The following DMD variants were observed in gnomAD, a reference collection of about 807,000 sequenced individuals.
DMD encodes mutant dystrophin.
In DMD, 63 loss-of-function variants were observed where a neutral mutation model predicts 330.1. The ratio of observed to expected loss-of-function variants is 0.19; its 90% CI spans 0.16 to 0.24. The LOEUF (loss-of-function observed/expected upper bound fraction) is 0.24, where lower values mean the gene tolerates loss of function less well. Ranked by LOEUF, DMD falls within the 10% of genes least tolerant of loss-of-function variation. The pLI is 1.00. For synonymous variants in DMD, 1,223 were observed against 959.8 expected (o/e 1.27, Z -5.07); for missense variants, 3,344 against 2,684.1 (o/e 1.25, Z -5.43).
At chrX:32,274,257 G>C (rs989160638) in intron 43 of DMD, among the ~76,000 whole-genome samples, 1 of 111,765 alleles carries the variant, frequency 8.9e-6, no homozygotes, top group Non-Finnish European at 1.9e-5. Context: ...ATCATCTATG[G>C]TGAGGATGAA....
chrX:32,228,284 C>G (rs767576211), intron 43 of DMD, among the ~76,000 whole-genome samples: 1 of 111,370 alleles, frequency 9.0e-6, no homozygotes, highest in Admixed American at 9.6e-5. Context: ...ATCTCTTTGA[C>G]ACAATATAAT....
rs189893624 is a variant in DMD at position 32,395,086 on chromosome X, C to A, written c.4234-4905G>T. ...ATGAAGGTAGAAACATCAACATGCC[C>A]AAGGTAACATAACTAGGAAGTAACA... On this transcript the variant is annotated intron_variant, in intron 30 of 78. Coordinates refer to ENST00000357033, the MANE Select transcript of DMD (RefSeq NM_004006.3). Among the ~76,000 whole-genome samples, 111 of 110,546 alleles carry A rather than the reference C, an allele frequency of 1.0e-3. 1 individual carries two copies. Among genetic ancestry groups the A allele is most frequent in the Admixed American group, 7.4e-3 (77 of 10,360 alleles).
At chrX:32,292,302 C>CTTTTTATTTTTT (rs2097474818) in intron 42 of DMD, among the ~76,000 whole-genome samples, 1 of 62,926 alleles carries the variant, frequency 1.6e-5, no homozygotes, top group African/African-American at 7.0e-5. Context: ...AGGGAATATT[C>CTTTTTATTTTTT]TTTTTTTTTT....
intron 57 of DMD, among the ~76,000 whole-genome samples, chrX:31,491,828 A>G (rs2069333555): frequency 8.9e-6 from 1 of 112,418 alleles, no homozygotes; most frequent in Non-Finnish European, 1.9e-5. Flanking sequence ...CAAGATATGT[A>G]ATATTTTGCT....
At chrX:33,069,695 C>T (rs73452039) in intron 1 of DMD, among the ~76,000 whole-genome samples, 3,019 of 111,389 alleles carry the variant, frequency 0.027, 90 homozygotes, top group African/African-American at 0.093. Context: ...CAAGGTAGCT[C>T]ACAGAATAAT....
At chrX:32,071,323 C>G (rs1390091299) in intron 44 of DMD, among the ~76,000 whole-genome samples, 1 of 109,838 alleles carries the variant, frequency 9.1e-6, no homozygotes, top group Non-Finnish European at 1.9e-5. Flanking sequence ...CTCACCAGCA[C>G]CTGTTGTTTC....
chrX:33,080,440 T>C (rs778002282), intron 1 of DMD, among the ~76,000 whole-genome samples: 1 of 112,025 alleles, frequency 8.9e-6, no homozygotes, highest in Non-Finnish European at 1.9e-5. Flanking sequence ...TATGCCTTAT[T>C]ATCTTTCACC....
intron 13 of DMD, among the ~76,000 whole-genome samples, chrX:32,581,434 T>C (rs2053644440): frequency 8.9e-6 from 1 of 111,824 alleles, no homozygotes; most frequent in African/African-American, 3.3e-5. Flanking sequence ...TCTTAGTTCA[T>C]GTCACATTTT....
chrX:31,417,264 A>C (rs145427992), intron 60 of DMD, among the ~76,000 whole-genome samples: 2,656 of 111,902 alleles, frequency 0.024, 60 homozygotes, highest in African/African-American at 0.081. Flanking sequence ...CACCAAGCCT[A>C]TAATTTCTTT....
At chrX:32,377,041 T>C (rs1224754734) in intron 34 of DMD, among the ~76,000 whole-genome samples, 1 of 111,851 alleles carries the variant, frequency 8.9e-6, no homozygotes, top group African/African-American at 3.2e-5. Context: ...TAGTAAAATC[T>C]GTATTGTTTT....
chrX:32,626,286 T>C, intron 11 of DMD, among the ~76,000 whole-genome samples: 1 of 110,276 alleles, frequency 9.1e-6, no homozygotes, highest in African/African-American at 3.3e-5. Context: ...GCCTGGCCAA[T>C]AGAAACCCCA....
intron 45 of DMD, among the ~76,000 whole-genome samples, chrX:31,960,275 C>T (rs750535120): frequency 6.3e-5 from 7 of 110,699 alleles, no homozygotes; most frequent in Admixed American, 1.9e-4. Flanking sequence ...TGGTGGGAGC[C>T]AAGGTACATG....
chrX:33,064,286 G>A (rs1214941602), intron 1 of DMD, among the ~76,000 whole-genome samples: 1 of 110,643 alleles, frequency 9.0e-6, no homozygotes, highest in Non-Finnish European at 1.9e-5. Flanking sequence ...ACCTCTACTA[G>A]TAAGAAAAAG....
At chrX:31,908,987 C>T (rs2094513358) in intron 47 of DMD, among the ~76,000 whole-genome samples, 1 of 112,086 alleles carries the variant, frequency 8.9e-6, no homozygotes, top group African/African-American at 3.2e-5. Flanking sequence ...GCTACAACAC[C>T]TCATACATTT....
chrX:31,341,667 T>C (rs780220369), intron 61 of DMD, among the ~76,000 whole-genome samples: 2 of 111,236 alleles, frequency 1.8e-5, no homozygotes, highest in Non-Finnish European at 3.8e-5. Context: ...GGTAAGGCAG[T>C]GTGATGTGTG....
In DMD at chrX:31,507,909, G is replaced by C. The variant is rs60685780; in HGVS notation, c.8218-456C>G. Among the ~76,000 whole-genome samples the C allele has an allele frequency of 0.056, 6,258 of 111,440 alleles. 313 individuals carry two copies. Among genetic ancestry groups the C allele is most frequent in the African/African-American group, 0.16 (4,899 of 30,517 alleles). ...AGTTAACTCTGACCATAAAAGCGTGGAGAGACTAATAAACAAGATTGCACT... is the reference window on the plus strand; with the variant it reads ...AGTTAACTCTGACCATAAAAGCGTGCAGAGACTAATAAACAAGATTGCACT... On this transcript the variant is annotated intron_variant, in intron 55 of 78. Transcript: ENST00000357033.
At chrX:32,380,797 T>A (rs2097921651) in intron 33 of DMD, 117 bp from the exon 34 acceptor site, 3 of 574,848 alleles carry the variant, frequency 5.2e-6, no homozygotes, top group East Asian at 7.4e-5. Context: ...TTCTTACACG[T>A]TTTAAAATAA....
intron 8 of DMD, among the ~76,000 whole-genome samples, chrX:32,698,637 T>G (rs921258052): frequency 8.9e-6 from 1 of 112,050 alleles, no homozygotes; most frequent in Non-Finnish European, 1.9e-5. Context: ...TTATTTGAAA[T>G]AGTTTAAAAC....
intron 42 of DMD, among the ~76,000 whole-genome samples, chrX:32,289,835 A>AC (rs2097459148): frequency 9.0e-6 from 1 of 111,125 alleles, no homozygotes; most frequent in African/African-American, 3.3e-5. Context: ...TGAATAATCC[A>AC]CCCCTTGTTT....
Sources: allele counts gnomAD v4.1 joint callset (sites outside exome capture counted in the v4.1 genomes callset), GRCh38; gene constraint gnomAD v4.1.1; transcripts MANE v1.5; gene names NCBI Gene and HGNC (gene_info 2026-07-23, HGNC 2026-07-21).